The following MAGI1 variants were observed in gnomAD, a reference collection of about 807,000 sequenced individuals.
MAGI1 encodes the protein membrane-associated guanylate kinase, WW and PDZ domain-containing protein 1.
A neutral mutation model predicts 139.9 loss-of-function variants in MAGI1; 58 were observed. The observed-to-expected ratio is 0.41, with a 90% CI of 0.34 to 0.52. The LOEUF (loss-of-function observed/expected upper bound fraction) is 0.52. Among genes scored for constraint, MAGI1 ranks in the 20% least tolerant of loss-of-function variants. MAGI1 has a pLI of 0.12. For missense variants in MAGI1, 1,874 were observed against 1,901.6 expected, an observed-to-expected ratio of 0.99 and a Z score of 0.27; for synonymous variants, 812 against 737.9, an observed-to-expected ratio of 1.10 and a Z score of -1.63.
At chr3:65,927,996 A>G (rs1300721732) in intron 1 of MAGI1, among the ~76,000 whole-genome samples, 2 of 152,214 alleles carry the variant, frequency 1.3e-5, no homozygotes, top group South Asian at 4.1e-4. Flanking sequence ...TTGCAACCCA[A>G]GTCCCTTCAG....
Position 65,974,387 on chromosome 3 carries a change from C to A in MAGI1, c.313+63609G>T, listed in dbSNP as rs140848073. 1.4e-3 allele frequency among the ~76,000 whole-genome samples: 185 copies of A among 134,200 alleles called. 3 individuals are homozygous for A. The highest frequency in any genetic ancestry group is 2.4e-3 in the Non-Finnish European group (155 of 63,682). The allele number at this position is 134,200 out of a possible 152,430, so 88.0% of individuals were successfully genotyped here. On this transcript the variant is annotated intron_variant, in intron 1 of 22. Transcript: ENST00000402939. ...GATGGGTGGGCGGGTGGGCGGGTGG[C>A]TGGGTGGATGGGTGGATGGGTGGAT...
chr3:65,676,924 T>A (rs1480537630), intron 1 of MAGI1, among the ~76,000 whole-genome samples: 1 of 152,210 alleles, frequency 6.6e-6, no homozygotes, highest in Non-Finnish European at 1.5e-5. Flanking sequence ...CCATTACCAA[T>A]GAGCTATTCA....
intron 10 of MAGI1, among the ~76,000 whole-genome samples, chr3:65,435,322 G>A (rs1382471973): frequency 6.6e-6 from 1 of 152,172 alleles, no homozygotes; most frequent in Non-Finnish European, 1.5e-5. Context: ...CTGAGATGAA[G>A]TGTCTAATAC....
chr3:65,356,353 A>G lies in MAGI1; in HGVS notation c.*25T>C. On this transcript the variant is annotated 3_prime_UTR_variant, in exon 23 of 23. Coordinates refer to ENST00000402939, the MANE Select transcript of MAGI1 (RefSeq NM_001033057.2). ...TTCCTCTTAGAACCTTTGACACGGT[A>G]AAGGTTGGAATGTGACTCAGCGTCT... 6.5e-7 allele frequency: 1 copy of G among 1,534,772 alleles called. No individual in the cohort carries two copies. The highest frequency in any genetic ancestry group is 8.7e-7 in the Non-Finnish European group (1 of 1,149,864).
At chr3:65,785,216 GT>G (rs35543106) in intron 1 of MAGI1, among the ~76,000 whole-genome samples, 28,548 of 152,108 alleles carry the variant, frequency 0.19, 2,939 homozygotes, top group South Asian at 0.38. Flanking sequence ...GGAAGTAGGT[GT>G]TTTAAGAAGT....
intron 1 of MAGI1, among the ~76,000 whole-genome samples, chr3:65,944,018 T>C (rs1318130498): frequency 6.6e-6 from 1 of 152,204 alleles, no homozygotes; most frequent in Non-Finnish European, 1.5e-5. Flanking sequence ...ATGAAAAAAG[T>C]TGAGTTCCAG....
chr3:65,372,018 C>A (rs73125513), intron 18 of MAGI1: 5,691 of 282,402 alleles, frequency 0.02, 99 homozygotes, highest in Non-Finnish European at 0.028. Flanking sequence ...TTAAGGTCAA[C>A]ATGTCTCCCA....
chr3:65,535,209 C>T (rs73128984), intron 2 of MAGI1, among the ~76,000 whole-genome samples: 4,990 of 152,128 alleles, frequency 0.033, 122 homozygotes, highest in Admixed American at 0.069. Flanking sequence ...AGTTCTAATA[C>T]CAGCTCATTA....
At chr3:65,432,618 G>T (rs1464825102) in intron 10 of MAGI1, among the ~76,000 whole-genome samples, 1 of 152,192 alleles carries the variant, frequency 6.6e-6, no homozygotes, top group Admixed American at 6.5e-5. Context: ...GCTAAAGAAA[G>T]GCAAGACTTA....
intron 7 of MAGI1, among the ~76,000 whole-genome samples, chr3:65,444,492 C>T (rs1948548197): frequency 6.6e-6 from 1 of 152,108 alleles, no homozygotes; most frequent in South Asian, 2.1e-4. Flanking sequence ...TCAAAATCTG[C>T]AAACTGAGAT....
rs1009391283 is a variant in MAGI1, at chr3:65,572,059, A to T, written c.430+49913T>A. On this transcript the variant is annotated intron_variant, in intron 2 of 22. Transcript: ENST00000402939. The stretch of plus-strand genomic sequence containing the variant: ...GGACAGAAAAAGATTATCCTTTAAC[A>T]GGACAATAATGTGAAAAACGAGGAA... Among the ~76,000 whole-genome samples the T allele has an allele frequency of 2.0e-5, 3 of 152,180 alleles. No homozygotes were observed. In the East Asian group the frequency reaches 5.8e-4, roughly 29 times the overall value.
chr3:65,892,677 A>G (rs551273766), intron 1 of MAGI1, among the ~76,000 whole-genome samples: 1 of 152,290 alleles, frequency 6.6e-6, no homozygotes, highest in Non-Finnish European at 1.5e-5. Flanking sequence ...GCCTAACAGT[A>G]AGACTTACCT....
At chr3:65,605,533 A>G (rs954780287) in intron 2 of MAGI1, among the ~76,000 whole-genome samples, 3 of 152,148 alleles carry the variant, frequency 2.0e-5, no homozygotes, top group African/African-American at 7.2e-5. Flanking sequence ...CAGACAGACA[A>G]ACTCAATGAT....
rs76522792 is a variant in MAGI1, at chr3:65,837,234, C to G, written c.313+200762G>C. Reference sequence around the variant, plus strand: ...ACCTCCTGCTAGAAATAATTCCAGGCAAAAAGGCAGATGTGTGCCTGCCTG... The same window carrying G: ...ACCTCCTGCTAGAAATAATTCCAGGGAAAAAGGCAGATGTGTGCCTGCCTG... On this transcript the variant is annotated intron_variant, in intron 1 of 22. Coordinates refer to ENST00000402939, the MANE Select transcript of MAGI1 (RefSeq NM_001033057.2). 1.9e-3 allele frequency among the ~76,000 whole-genome samples: 285 copies of G among 152,286 alleles called. 10 individuals carry two copies. In the East Asian group the frequency reaches 0.049, roughly 26 times the overall value.
chr3:65,675,658 T>TA (rs1252970036), intron 1 of MAGI1, among the ~76,000 whole-genome samples: 1 of 152,206 alleles, frequency 6.6e-6, no homozygotes, highest in Non-Finnish European at 1.5e-5. Flanking sequence ...GGTGGCTCAT[T>TA]ACAGTGTCAC....
At chr3:65,677,202 A>AT (rs1286558642) in intron 1 of MAGI1, among the ~76,000 whole-genome samples, 2 of 151,932 alleles carry the variant, frequency 1.3e-5, no homozygotes, top group African/African-American at 4.8e-5. Context: ...AACATTTAGG[A>AT]TTTTTTTTAA....
chr3:65,476,051 T>C lies in MAGI1; in HGVS notation c.757+2541A>G, dbSNP rs528283485. ...AGAAGCCGACACCTCATTATGCCAC[T>C]GTCACTTTACGTGCAAACTGGCTGG... On this transcript the variant is annotated intron_variant, in intron 4 of 22. Coordinates refer to ENST00000402939, the MANE Select transcript of MAGI1 (RefSeq NM_001033057.2). 4.6e-5 allele frequency among the ~76,000 whole-genome samples: 7 copies of C among 152,100 alleles called. No individual in the cohort carries two copies. The East Asian group carries it at 1.4e-3, about 30-fold the overall frequency.
intron 18 of MAGI1, among the ~76,000 whole-genome samples, chr3:65,367,131 G>A (rs1941499989): frequency 6.6e-6 from 1 of 152,148 alleles, no homozygotes; most frequent in Admixed American, 6.6e-5. Flanking sequence ...AAATCACCAG[G>A]TTGTTCAGGC....
chr3:65,727,510 G>A (rs1485321976), intron 1 of MAGI1, among the ~76,000 whole-genome samples: 2 of 152,174 alleles, frequency 1.3e-5, no homozygotes, highest in African/African-American at 2.4e-5. Context: ...GACTACAGGT[G>A]TGTGCCATTG....
Sources: gnomAD v4.1 joint callset for allele counts (sites outside exome capture counted in the v4.1 genomes callset) on GRCh38, gnomAD v4.1.1 for gene constraint, MANE v1.5 for transcripts, NCBI Gene and HGNC (gene_info 2026-07-23, HGNC 2026-07-21) for gene names.